Variants in MAPK10 observed in about 807,000 individuals in gnomAD.
MAPK10 encodes mitogen-activated protein kinase 10.
A neutral mutation model predicts 59.3 loss-of-function variants in MAPK10; 25 were observed. That is an observed-to-expected ratio of 0.42 (90% CI 0.31 to 0.59). The LOEUF is 0.59. Among genes scored for constraint, MAPK10 ranks in the 20% least tolerant of loss-of-function variants. The pLI, the probability that MAPK10 is intolerant of heterozygous loss-of-function variation, is 0.15. For missense variants in MAPK10, 351 were observed against 568.9 expected, an observed-to-expected ratio of 0.62 and a Z score of 3.90; for synonymous variants, 190 against 200.5, an observed-to-expected ratio of 0.95 and a Z score of 0.44.
chr4:86,315,279 G>A (rs192280036), intron 2 of MAPK10, among the ~76,000 whole-genome samples: 2 of 151,926 alleles, frequency 1.3e-5, no homozygotes, highest in Non-Finnish European at 2.9e-5. Flanking sequence ...TGGAGGGGGT[G>A]GTTAATGGTA....
At position 86,594,051 on chromosome 4, in the gene MAPK10, G is replaced by C. The variant is rs1024583460; in HGVS notation, c.-404C>G. The C allele has an allele frequency of 1.3e-5, 2 of 152,342 alleles. 1 individual carries two copies. The highest frequency in any genetic ancestry group is 2.9e-5 in the Non-Finnish European group (2 of 68,068). 9.4% of individuals were successfully genotyped at this position (152,342 alleles called of 1,614,324 possible). A position where few individuals can be genotyped will look rare whatever the true frequency, so the allele number is the denominator to read the frequency against. ...GCAGGCGCTAGGAACTCTGCCGCTCGGTCACCAACCTGAGCCTCTGGCTAG... is the reference window on the plus strand; with the variant it reads ...GCAGGCGCTAGGAACTCTGCCGCTCCGTCACCAACCTGAGCCTCTGGCTAG... On this transcript the variant is annotated 5_prime_UTR_variant, in exon 1 of 5. Transcript: ENST00000502302.
intron 1 of MAPK10, among the ~76,000 whole-genome samples, chr4:86,405,041 G>A (rs867592316): frequency 1.9e-4 from 29 of 152,204 alleles, no homozygotes; most frequent in Middle Eastern, 6.8e-3. Flanking sequence ...CACATACTGC[G>A]CACTCTATAG....
At chr4:86,495,734 A>G (rs1226456425) in intron 1 of MAPK10, among the ~76,000 whole-genome samples, 1 of 152,012 alleles carries the variant, frequency 6.6e-6, no homozygotes, top group Non-Finnish European at 1.5e-5. Context: ...CTTGCAATGT[A>G]TTTGTTGAAA....
At chr4:86,455,917 G>T (rs1241480356), upstream of MAPK10, among the ~76,000 whole-genome samples, 1 of 152,104 alleles carries the variant, frequency 6.6e-6, no homozygotes, top group African/African-American at 2.4e-5. Flanking sequence ...CACAAAATGA[G>T]CCTCAATAAA....
intron 1 of MAPK10, among the ~76,000 whole-genome samples, chr4:86,380,489 C>A (rs954364813): frequency 6.6e-6 from 1 of 152,164 alleles, no homozygotes; most frequent in Non-Finnish European, 1.5e-5. Context: ...CTGCCACTGA[C>A]AAACAAGCTT....
chr4:86,045,723 T>A (rs1560940517), intron 11 of MAPK10, among the ~76,000 whole-genome samples: 1 of 151,838 alleles, frequency 6.6e-6, no homozygotes, highest in Non-Finnish European at 1.5e-5. Context: ...CAAAATAATT[T>A]CTCACCCTTC....
At position 86,112,838 on chromosome 4, in the gene MAPK10, T is replaced by C. The variant is rs534376859; in HGVS notation, c.237-5486A>G. ...TGTTAAAGTTTCCACTATTACTGTG[T>C]GGGAGTCTAAGTCTCTTTGAAAGTC... On this transcript the variant is annotated intron_variant, in intron 4 of 13. Transcript: ENST00000641462. Among the ~76,000 whole-genome samples, 7 of 152,320 alleles carry C rather than the reference T, an allele frequency of 4.6e-5. No individual in the cohort carries two copies. In the East Asian group the frequency reaches 1.4e-3, roughly 29 times the overall value.
chr4:86,590,596 C>T (rs545863393), intron 1 of MAPK10, among the ~76,000 whole-genome samples: 1 of 152,094 alleles, frequency 6.6e-6, no homozygotes, highest in South Asian at 2.1e-4. Context: ...CTAATCTGGG[C>T]AACATAGCAA....
intron 1 of MAPK10, among the ~76,000 whole-genome samples, chr4:86,511,829 A>G (rs1039331853): frequency 2.0e-5 from 3 of 150,188 alleles, no homozygotes; most frequent in Non-Finnish European, 3.0e-5. Flanking sequence ...AAGGAAGGAA[A>G]GAAGGAAGGA....
intron 2 of MAPK10, among the ~76,000 whole-genome samples, chr4:86,319,445 G>C (rs543773669): frequency 6.6e-6 from 1 of 152,158 alleles, no homozygotes; most frequent in African/African-American, 2.4e-5. Flanking sequence ...TTGAATAAGG[G>C]ATGGAACTTT....
At chr4:86,188,370 A>G (rs1459205054) in intron 3 of MAPK10, among the ~76,000 whole-genome samples, 7 of 152,202 alleles carry the variant, frequency 4.6e-5, no homozygotes, top group African/African-American at 1.7e-4. Flanking sequence ...CCAACAGTGT[A>G]AAAGCTTTCC....
intron 1 of MAPK10, among the ~76,000 whole-genome samples, chr4:86,544,930 C>A (rs1172711044): frequency 6.7e-6 from 1 of 150,102 alleles, no homozygotes; most frequent in African/African-American, 2.5e-5. Flanking sequence ...TTCAGACTTG[C>A]TTCCAAAGGA....
chr4:86,446,483 T>C (rs1490837553), intron 1 of MAPK10, among the ~76,000 whole-genome samples: 2 of 152,154 alleles, frequency 1.3e-5, no homozygotes, highest in African/African-American at 4.8e-5. Context: ...CCCAAAGCTC[T>C]AGCATTACAG....
chr4:86,219,762 C>A (rs115571040), intron 2 of MAPK10: 1 of 151,804 alleles, frequency 6.6e-6, no homozygotes, highest in East Asian at 1.9e-4. Context: ...GAAAAATATT[C>A]TATATTTTTC....
At chr4:86,178,388 T>C (rs1365708699) in intron 3 of MAPK10, among the ~76,000 whole-genome samples, 2 of 151,782 alleles carry the variant, frequency 1.3e-5, no homozygotes, top group Non-Finnish European at 2.9e-5. Context: ...CTCTAAGGAG[T>C]AGGGTTTTTT....
intron 4 of MAPK10, among the ~76,000 whole-genome samples, chr4:86,135,815 A>G (rs1349147443): frequency 2.6e-5 from 4 of 152,316 alleles, no homozygotes; most frequent in Non-Finnish European, 4.4e-5. Flanking sequence ...TATAACTAGA[A>G]TAACTAATAC....
intron 4 of MAPK10, among the ~76,000 whole-genome samples, chr4:86,122,137 G>A (rs1394441170): frequency 6.6e-6 from 1 of 152,116 alleles, no homozygotes; most frequent in Non-Finnish European, 1.5e-5. Flanking sequence ...GTCAGATAGA[G>A]CCAAGTGAGG....
At chr4:86,540,382 C>T (rs938201071) in intron 1 of MAPK10, among the ~76,000 whole-genome samples, 7 of 152,038 alleles carry the variant, frequency 4.6e-5, no homozygotes, top group Non-Finnish European at 1.0e-4. Flanking sequence ...CACCTGTGGT[C>T]CCAACTACTC....
chr4:86,587,065 G>A (rs1304035422), intron 1 of MAPK10, among the ~76,000 whole-genome samples: 1 of 152,158 alleles, frequency 6.6e-6, no homozygotes, highest in Non-Finnish European at 1.5e-5. Flanking sequence ...AAAGCTTACA[G>A]TTTTCATGCA....
Sources: gnomAD v4.1 joint callset for allele counts (sites outside exome capture counted in the v4.1 genomes callset) on GRCh38, gnomAD v4.1.1 for gene constraint, MANE v1.5 for transcripts, NCBI Gene and HGNC (gene_info 2026-07-23, HGNC 2026-07-21) for gene names.